CINP: variants seen among roughly 807,000 people sequenced by gnomAD.
CINP encodes cyclin-dependent kinase 2-interacting protein.
Under a neutral mutation model 20.5 loss-of-function variants are expected in CINP, and 11 were observed. The ratio of observed to expected loss-of-function variants is 0.54; its 90% CI spans 0.34 to 0.89. The LOEUF is 0.89. Among genes scored for constraint, CINP ranks in the 40% least tolerant of loss-of-function variants. The pLI, the probability that CINP is intolerant of heterozygous loss-of-function variation, is 0.02. For synonymous variants in CINP, 108 were observed against 102.1 expected (o/e 1.06, Z -0.35); for missense variants, 213 against 251.0 (o/e 0.85, Z 1.02).
At chr14:102,361,399 G>A (rs1452679504) in intron 1 of CINP, among the ~76,000 whole-genome samples, 1 of 152,210 alleles carries the variant, frequency 6.6e-6, no homozygotes, top group Non-Finnish European at 1.5e-5. Flanking sequence ...CAGCACTTCA[G>A]GAGGCCAAGG....
Position 102,350,066 on chromosome 14 carries a change from GGAATATGATAATATTATTT to G in CINP, c.307-37_307-19del. ...ATTTTGGTCTGAAAGATATCCATTT[GGAATATGATAATATTATTT>G]GAAATCTCCAGTCTCAGATTTAATA... On this transcript the variant is annotated intron_variant, in intron 3 of 4. Transcript: ENST00000216756. The G allele has an allele frequency of 3.8e-6, 6 of 1,596,000 alleles. No homozygotes were observed. The highest frequency in any genetic ancestry group is 5.1e-6 in the Non-Finnish European group (6 of 1,168,358).
intron 1 of CINP, 89 bp downstream of exon 1, chr14:102,362,756 G>A: frequency 1.9e-6 from 3 of 1,538,788 alleles, no homozygotes; most frequent in East Asian, 2.3e-5. Flanking sequence ...ATGTAATCCG[G>A]GGAGCTCCTG....
At position 102,355,837 on chromosome 14, in the gene CINP, C is replaced by T; in HGVS notation, c.237G>A (p.Lys79=). The T allele has an allele frequency of 6.2e-7, 1 of 1,614,196 alleles. No homozygotes were observed. Residue 79 remains lysine (K), a synonymous_variant, in exon 3 of 5, where the codon AAG becomes AAA. Coordinates refer to ENST00000216756, the MANE Select transcript of CINP (RefSeq NM_032630.3). ...GTTCCTCGTTATATTCCAGACACAC[C>T]TTTTCTTCATTTTCCTTCGAGGCTG... ...SSPASKENEE[K]VCLEYNEELE...
At chr14:102,361,641 A>AAAAACAAAAC (rs56044966) in intron 1 of CINP, among the ~76,000 whole-genome samples, 78 of 152,058 alleles carry the variant, frequency 5.1e-4, no homozygotes, top group African/African-American at 1.2e-3. Context: ...ACTCCGTCTC[A>AAAAACAAAAC]AAAACAAAAC....
At chr14:102,360,542 G>C (rs1352427765) in intron 1 of CINP, among the ~76,000 whole-genome samples, 1 of 152,196 alleles carries the variant, frequency 6.6e-6, no homozygotes, top group African/African-American at 2.4e-5. Flanking sequence ...CTGAACCCCA[G>C]CTCGCCAGCT....
chr14:102,361,446 T>C (rs1027161333), intron 1 of CINP, among the ~76,000 whole-genome samples: 11 of 152,130 alleles, frequency 7.2e-5, no homozygotes, highest in South Asian at 2.1e-4. Context: ...GAGACCATCC[T>C]GGCTAACACA....
rs370720843 is a variant in CINP, at chr14:102,349,937, A to G, written c.418T>C (p.Trp140Arg). 1.2e-6 allele frequency: 2 copies of G among 1,613,714 alleles called. No homozygotes were observed. Among genetic ancestry groups the G allele is most frequent in the African/African-American group, 2.7e-5 (2 of 74,938 alleles). Residue 140 changes from tryptophan (W) to arginine (R), a missense_variant, in exon 4 of 5, where the codon TGG becomes CGG. Transcript: ENST00000216756. ...TACTTACAGAAATGGGTTGTAGGCC[A>G]CGTGTGGAACAGAGGGGGTCGTTTA... ...ESKRPPLFHT[W>R]PTTHFYEVSH...
intron 4 of CINP, among the ~76,000 whole-genome samples, chr14:102,349,162 G>T (rs895023239): frequency 2.0e-5 from 3 of 152,182 alleles, no homozygotes; most frequent in Admixed American, 1.3e-4. Flanking sequence ...GCTGAGGCAC[G>T]AGAATCGCTT....
Position 102,360,367 on chromosome 14 carries a change from A to G in CINP, c.8-780T>C, listed in dbSNP as rs563226362. 3.3e-5 allele frequency among the ~76,000 whole-genome samples: 5 copies of G among 151,800 alleles called. No homozygotes were observed. The East Asian group carries it at 9.7e-4, about 29-fold the overall frequency. ...CCCCCAGACCACCAAGAGCCAACTC[A>G]GGTTGTTTGTTCTCCCCGAACCCTC... On this transcript the variant is annotated intron_variant, in intron 1 of 4. Transcript: ENST00000216756.
At position 102,348,601 on chromosome 14, in the gene CINP, G is replaced by T; in HGVS notation, c.595C>A (p.His199Asn). Residue 199 changes from histidine to asparagine, a missense_variant, in exon 5 of 5, where the codon CAT becomes AAT. Physicochemically the swap from His to Asn is moderately conservative, Grantham distance 68 (BLOSUM62 1). Transcript: ENST00000216756. ...GTCTCCAGCAGCATGCTCTCCAGAT[G>T]CAGCCTGCTGTCGCTCTCCACATAG... ...QPYVESDSRL[H>N]LESMLLETGH... 6.2e-7 allele frequency: 1 copy of T among 1,613,554 alleles called. No individual in the cohort carries two copies. The highest frequency in any genetic ancestry group is 8.5e-7 in the Non-Finnish European group (1 of 1,179,864).
intron 1 of CINP, among the ~76,000 whole-genome samples, chr14:102,360,543 C>A (rs1024219311): frequency 6.6e-6 from 1 of 152,220 alleles, no homozygotes; most frequent in African/African-American, 2.4e-5. Flanking sequence ...TGAACCCCAG[C>A]TCGCCAGCTG....
chr14:102,352,402 A>C (rs1047708396), intron 3 of CINP: 5 of 436,796 alleles, frequency 1.1e-5, no homozygotes, highest in Non-Finnish European at 2.3e-5. Context: ...AACAGTGCAT[A>C]AACAGCAGGC....
rs1008068566 is a variant in CINP, at chr14:102,348,717, A to T, written c.479T>A (p.Leu160Gln). ...HKLLEMYRKE[L>Q]LLKRTVAKEL... ...CTTGGCCACCGTGCGCTTCAGGAGC[A>T]GCTCCTTCCTGTACATCTCCAAGAG... Residue 160 changes from leucine to glutamine, a missense_variant, in exon 5 of 5, where the codon CTG (leucine) becomes CAG (glutamine). Leu to Gln is a moderately radical substitution (Grantham distance 113). Coordinates refer to ENST00000216756, the MANE Select transcript of CINP (RefSeq NM_032630.3). 3 of 1,613,966 alleles carry T rather than the reference A, an allele frequency of 1.9e-6. No individual in the cohort carries two copies. The East Asian group carries it at 6.7e-5, about 36-fold the overall frequency.
chr14:102,359,231 T>A lies in CINP; in HGVS notation c.176+188A>T, dbSNP rs761341103. Among the ~76,000 whole-genome samples, 31 of 116,484 alleles carry A rather than the reference T, an allele frequency of 2.7e-4. 1 individual carries two copies. Among genetic ancestry groups the A allele is most frequent in the African/African-American group, 7.8e-4 (28 of 35,972 alleles). 76.4% of individuals were successfully genotyped at this position (116,484 alleles called of 152,430 possible). On this transcript the variant is annotated intron_variant, in intron 2 of 4. Transcript: ENST00000216756. ...AAATAAATAAATAAATAACTAAATA[T>A]ATATATATATATATATATATATGGA...
intron 4 of CINP, 131 bp downstream of exon 4, chr14:102,349,785 TCTC>T: frequency 2.8e-6 from 3 of 1,064,956 alleles, no homozygotes; most frequent in Non-Finnish European, 4.2e-6. Context: ...GATGCCTCTG[TCTC>T]CTTTCCTCCC....
chr14:102,359,251 T>TATATATATATATATATATAG, intron 2 of CINP, among the ~76,000 whole-genome samples, 168 bp downstream of exon 2: 1 of 145,390 alleles, frequency 6.9e-6, no homozygotes, highest in Non-Finnish European at 1.5e-5. Flanking sequence ...TATATATATA[T>TATATATATATATATATATAG]ATGGAATATA....
At chr14:102,361,866 G>A (rs1210390628) in intron 1 of CINP, among the ~76,000 whole-genome samples, 2 of 152,192 alleles carry the variant, frequency 1.3e-5, no homozygotes, top group Non-Finnish European at 2.9e-5. Flanking sequence ...CCACAGAGAA[G>A]TATTCCTGGA....
chr14:102,352,970 C>A (rs1284756463), intron 3 of CINP, among the ~76,000 whole-genome samples: 3 of 150,634 alleles, frequency 2.0e-5, no homozygotes, highest in Non-Finnish European at 4.4e-5. Context: ...TAAAAAAAAA[C>A]AAATAAAAAT....
rs774118839 is a variant in CINP, at chr14:102,362,881, G to A, written c.-30C>T. 4.3e-6 allele frequency: 7 copies of A among 1,613,606 alleles called. No homozygotes were observed. In the South Asian group the frequency reaches 6.6e-5, roughly 15 times the overall value. Reference sequence around the variant, plus strand: ...TCCACAGATATCCGTAGAAGGAGACGCGAAGCCCCGCCCACCCCACCGGAA... The same window carrying A: ...TCCACAGATATCCGTAGAAGGAGACACGAAGCCCCGCCCACCCCACCGGAA... On this transcript the variant is annotated 5_prime_UTR_variant, in exon 1 of 5. Transcript: ENST00000216756.
Sources: gnomAD v4.1 joint callset for allele counts (sites outside exome capture counted in the v4.1 genomes callset) on GRCh38, gnomAD v4.1.1 for gene constraint, MANE v1.5 for transcripts, NCBI Gene and HGNC (gene_info 2026-07-23, HGNC 2026-07-21) for gene names.